DCC: variants seen among roughly 807,000 people sequenced by gnomAD.
DCC encodes netrin receptor DCC.
DCC carries 58 observed loss-of-function variants against 172.5 expected under a neutral mutation model. That is an observed-to-expected ratio of 0.34 (90% CI 0.27 to 0.42). The LOEUF (loss-of-function observed/expected upper bound fraction) is 0.42. DCC is among the 10% of genes least tolerant of loss of function. The pLI, the probability that DCC is intolerant of heterozygous loss-of-function variation, is 1.00. For missense variants in DCC, 1,740 were observed against 1,791.0 expected, an observed-to-expected ratio of 0.97 and a Z score of 0.51; for synonymous variants, 709 against 644.5, an observed-to-expected ratio of 1.10 and a Z score of -1.52.
chr18:53,156,741 T>A (rs1322646437), intron 7 of DCC, among the ~76,000 whole-genome samples: 1 of 152,186 alleles, frequency 6.6e-6, no homozygotes, highest in Admixed American at 6.5e-5. Flanking sequence ...TAAATTTAGA[T>A]TTATATTTAG....
chr18:53,322,204 T>C (rs2144827249), intron 14 of DCC, 47 bp downstream of exon 14: 2 of 1,021,520 alleles, frequency 2.0e-6, no homozygotes, highest in East Asian at 2.4e-5. Flanking sequence ...CTTCTTGTTA[T>C]CTCAGCTTCA....
At chr18:52,633,406 T>C (rs893579799) in intron 1 of DCC, among the ~76,000 whole-genome samples, 1 of 152,182 alleles carries the variant, frequency 6.6e-6, no homozygotes, top group Non-Finnish European at 1.5e-5. Flanking sequence ...CCAGTGCCAT[T>C]GTTGGCAGAT....
chr18:53,131,952 G>GTTTTTTTTT (rs1568323077), intron 7 of DCC, among the ~76,000 whole-genome samples: 1 of 68,808 alleles, frequency 1.5e-5, no homozygotes, highest in Non-Finnish European at 2.8e-5. Context: ...GTCTCTAAGT[G>GTTTTTTTTT]ATTTTTTTTT....
At chr18:53,386,321 A>G (rs1908165904) in intron 16 of DCC, among the ~76,000 whole-genome samples, 183 bp downstream of exon 16, 1 of 152,176 alleles carries the variant, frequency 6.6e-6, no homozygotes, top group Admixed American at 6.5e-5. Context: ...ACACATATGC[A>G]TGCATTTTTT....
intron 1 of DCC, among the ~76,000 whole-genome samples, chr18:52,403,921 A>C (rs1488446629): frequency 2.0e-5 from 3 of 152,100 alleles, no homozygotes; most frequent in Non-Finnish European, 2.9e-5. Context: ...TCTCTGTGTC[A>C]CTAGACATTA....
intron 7 of DCC, among the ~76,000 whole-genome samples, chr18:53,093,279 A>T (rs769886569): frequency 6.6e-6 from 1 of 152,190 alleles, no homozygotes; most frequent in Non-Finnish European, 1.5e-5. Context: ...TCTGTCTCAA[A>T]AAACTAATAT....
At position 53,097,175 on chromosome 18, in the gene DCC, T is replaced by A. The variant is rs1454401474; in HGVS notation, c.1261+31009T>A. Reference sequence around the variant, plus strand: ...TCTATCCAACTGATTAATGAGCTAATGTAGACAATCTTTTGTTCACATTCA... The same window carrying A: ...TCTATCCAACTGATTAATGAGCTAAAGTAGACAATCTTTTGTTCACATTCA... On this transcript the variant is annotated intron_variant, in intron 7 of 28. Coordinates refer to ENST00000442544, the MANE Select transcript of DCC (RefSeq NM_005215.4). 5.3e-5 allele frequency among the ~76,000 whole-genome samples: 8 copies of A among 152,364 alleles called. No homozygotes were observed. The South Asian group carries it at 1.7e-3, about 32-fold the overall frequency.
At chr18:52,528,273 G>C (rs1192700852) in intron 1 of DCC, among the ~76,000 whole-genome samples, 2 of 152,094 alleles carry the variant, frequency 1.3e-5, no homozygotes, top group African/African-American at 2.4e-5. Context: ...TCAAAAATAA[G>C]GCTGATACAT....
At chr18:52,578,475 A>T (rs2033468714) in intron 1 of DCC, among the ~76,000 whole-genome samples, 1 of 152,118 alleles carries the variant, frequency 6.6e-6, no homozygotes, top group African/African-American at 2.4e-5. Flanking sequence ...GTTGTTTTTA[A>T]TTCGAAGTTT....
chr18:53,441,582 G>A (rs1486229268), intron 22 of DCC, among the ~76,000 whole-genome samples: 1 of 152,050 alleles, frequency 6.6e-6, no homozygotes, highest in East Asian at 1.9e-4. Flanking sequence ...ACTTAGGCTT[G>A]AACCTGAGTC....
At chr18:52,626,329 T>G (rs2034573056) in intron 1 of DCC, among the ~76,000 whole-genome samples, 1 of 152,164 alleles carries the variant, frequency 6.6e-6, no homozygotes, top group South Asian at 2.1e-4. Context: ...AAGCATATCC[T>G]CCCAGCCCTA....
rs528691193 is a variant in DCC, at chr18:53,070,448, G to T, written c.1261+4282G>T. ...AGCTATTTCCTTCTAATTTCCAATA[G>T]TTGAGCTTATTCAGTCAACCCATTA... On this transcript the variant is annotated intron_variant, in intron 7 of 28. Transcript: ENST00000442544. 2.6e-5 allele frequency among the ~76,000 whole-genome samples: 4 copies of T among 152,318 alleles called. No homozygotes were observed. The South Asian group carries it at 8.3e-4, about 32-fold the overall frequency.
At chr18:52,809,062 T>A (rs1256270583) in intron 2 of DCC, among the ~76,000 whole-genome samples, 1 of 152,220 alleles carries the variant, frequency 6.6e-6, no homozygotes, top group Non-Finnish European at 1.5e-5. Flanking sequence ...TAATTGCATT[T>A]CTGTTGGTAT....
At position 52,421,614 on chromosome 18, in the gene DCC, C is replaced by T. The variant is rs751892452; in HGVS notation, c.91+80736C>T. 5.9e-5 allele frequency among the ~76,000 whole-genome samples: 9 copies of T among 152,286 alleles called. No individual in the cohort carries two copies. In the South Asian group the frequency reaches 6.2e-4, roughly 11 times the overall value. On this transcript the variant is annotated intron_variant, in intron 1 of 28. Coordinates refer to ENST00000442544, the MANE Select transcript of DCC (RefSeq NM_005215.4). ...TGCACTTTCTTGAAGCTCACTTCCA[C>T]GGAGCATAGGGAATCAGGTGATCTT... is the stretch of plus-strand genomic sequence containing the variant.
chr18:53,349,767 G>A (rs55947207), intron 15 of DCC, among the ~76,000 whole-genome samples: 78,021 of 152,014 alleles, frequency 0.51, 20,671 homozygotes, highest in Non-Finnish European at 0.55. Context: ...TATCACGAGA[G>A]CAATGCAGGA....
At chr18:52,598,901 C>T (rs933346657) in intron 1 of DCC, among the ~76,000 whole-genome samples, 3 of 152,012 alleles carry the variant, frequency 2.0e-5, no homozygotes, top group Non-Finnish European at 4.4e-5. Context: ...GGTGGAATGC[C>T]GTGTCCTCCT....
intron 2 of DCC, among the ~76,000 whole-genome samples, chr18:52,834,141 A>C (rs539970708): frequency 1.3e-5 from 2 of 152,144 alleles, no homozygotes; most frequent in Non-Finnish European, 2.9e-5. Flanking sequence ...CAATTGTTGT[A>C]ACTGAATATT....
intron 26 of DCC, among the ~76,000 whole-genome samples, 198 bp downstream of exon 26, chr18:53,487,156 C>G (rs981065896): frequency 6.6e-6 from 1 of 152,178 alleles, no homozygotes. Context: ...CACCTTTCCA[C>G]AGCACACTCC....
At chr18:52,790,846 G>A (rs1031155127) in intron 2 of DCC, among the ~76,000 whole-genome samples, 4 of 152,184 alleles carry the variant, frequency 2.6e-5, no homozygotes, top group Non-Finnish European at 5.9e-5. Flanking sequence ...CCCTCCATGA[G>A]AAGTCAAATA....
Sources: allele counts gnomAD v4.1 joint callset (sites outside exome capture counted in the v4.1 genomes callset), GRCh38; gene constraint gnomAD v4.1.1; transcripts MANE v1.5; gene names NCBI Gene and HGNC (gene_info 2026-07-23, HGNC 2026-07-21).